CCDC13: variants seen among roughly 807,000 people sequenced by gnomAD.
The protein encoded by CCDC13 is coiled-coil domain containing 13.
In CCDC13, 70 loss-of-function variants were observed where a neutral mutation model predicts 87.3. The observed-to-expected ratio is 0.80, with a 90% CI of 0.66 to 0.98. The LOEUF is 0.98. Among genes scored for constraint, CCDC13 ranks in the 50% least tolerant of loss-of-function variants. The probability of loss-of-function intolerance (pLI) is 0.00; values close to 1 mark genes in which losing one functional copy is unlikely to be tolerated. For synonymous variants in CCDC13, 317 were observed against 360.3 expected (o/e 0.88, Z 1.36); for missense variants, 842 against 892.0 (o/e 0.94, Z 0.71).
intron 13 of CCDC13, among the ~76,000 whole-genome samples, chr3:42,715,681 A>G (rs1217936552): frequency 1.3e-5 from 2 of 152,238 alleles, no homozygotes; most frequent in African/African-American, 4.8e-5. Flanking sequence ...CACACTAGTG[A>G]CATTTCAAGT....
intron 13 of CCDC13, among the ~76,000 whole-genome samples, chr3:42,727,129 T>A (rs977570643): frequency 6.6e-6 from 1 of 152,184 alleles, no homozygotes. Context: ...CCCAGCACTT[T>A]GGGAGGCTGA....
Position 42,709,672 on chromosome 3 carries a change from G to C in CCDC13, c.1988+12C>G. ...AACCCTACCCTTTCAGGAAGGCGGG[G>C]CAGGGGAGCACCTGGTTGTCAGCTC... On this transcript the variant is annotated intron_variant, in intron 15 of 15. Coordinates refer to ENST00000310232, the MANE Select transcript of CCDC13 (RefSeq NM_144719.4). 1 of 1,605,930 alleles carries C rather than the reference G, an allele frequency of 6.2e-7. No individual in the cohort carries two copies. The highest frequency in any genetic ancestry group is 8.5e-7 in the Non-Finnish European group (1 of 1,172,610).
At chr3:42,739,917 T>G (rs1575304358) in intron 8 of CCDC13, 107 bp from the exon 9 acceptor site, 8 of 1,065,000 alleles carry the variant, frequency 7.5e-6, no homozygotes, top group Non-Finnish European at 1.1e-5. Context: ...GGGGTGGGGG[T>G]GCTTGTTGAA....
chr3:42,733,262 C>T (rs1015794161), intron 11 of CCDC13, among the ~76,000 whole-genome samples: 9 of 152,236 alleles, frequency 5.9e-5, no homozygotes, highest in Admixed American at 1.3e-4. Flanking sequence ...AACCAGCATG[C>T]TCTTGAAGTG....
At chr3:42,737,875 A>G (rs141545532) in intron 9 of CCDC13, among the ~76,000 whole-genome samples, 2,932 of 151,248 alleles carry the variant, frequency 0.019, 88 homozygotes, top group African/African-American at 0.067. Flanking sequence ...GTTCACTCTG[A>G]TGGTAGTTTC....
At chr3:42,755,405 G>A (rs1010068773) in intron 3 of CCDC13, among the ~76,000 whole-genome samples, 9 of 152,092 alleles carry the variant, frequency 5.9e-5, no homozygotes, top group Non-Finnish European at 8.8e-5. Flanking sequence ...TCAGCAGTTC[G>A]AGACCAGACT....
intron 2 of CCDC13, 110 bp from the exon 3 acceptor site, chr3:42,757,324 T>G: frequency 9.8e-7 from 1 of 1,025,164 alleles, no homozygotes; most frequent in South Asian, 1.8e-5. Context: ...GCAGACACAC[T>G]GACGTGAAAG....
chr3:42,765,767 C>T (rs1019603357), intron 1 of CCDC13, among the ~76,000 whole-genome samples: 5 of 152,070 alleles, frequency 3.3e-5, no homozygotes, highest in Admixed American at 2.6e-4. Flanking sequence ...TGGGGGGCAA[C>T]GGGCTCTCCT....
chr3:42,751,618 C>T (rs1220092850), intron 5 of CCDC13, among the ~76,000 whole-genome samples: 1 of 152,226 alleles, frequency 6.6e-6, no homozygotes, highest in Admixed American at 6.5e-5. Context: ...TTGGACCAGG[C>T]CTTCCCTCTT....
Position 42,720,666 on chromosome 3 carries a change from G to A in CCDC13, c.1719-7350C>T, listed in dbSNP as rs141976715. Among the ~76,000 whole-genome samples the A allele has an allele frequency of 1.3e-4, 20 of 152,300 alleles. No individual in the cohort carries two copies. The East Asian group carries it at 3.7e-3, about 28-fold the overall frequency. On this transcript the variant is annotated intron_variant, in intron 13 of 15. Coordinates refer to ENST00000310232, the MANE Select transcript of CCDC13 (RefSeq NM_144719.4). ...TTCTTGCCTAGATTAAAGGTTAAAG[G>A]ATTGTTTTAAGTTAGAATAAAACTA...
At chr3:42,754,211 C>T (rs1478847755) in intron 3 of CCDC13, among the ~76,000 whole-genome samples, 1 of 152,146 alleles carries the variant, frequency 6.6e-6, no homozygotes, top group Non-Finnish European at 1.5e-5. Flanking sequence ...CACTTTATGG[C>T]TTTCAAATCA....
At chr3:42,722,630 C>A (rs1209062437) in intron 13 of CCDC13, among the ~76,000 whole-genome samples, 3 of 152,078 alleles carry the variant, frequency 2.0e-5, no homozygotes, top group Admixed American at 2.0e-4. Context: ...TTTACAGATG[C>A]CATGGCAACA....
intron 5 of CCDC13, among the ~76,000 whole-genome samples, 188 bp downstream of exon 5, chr3:42,751,748 C>A (rs1226057051): frequency 6.6e-6 from 1 of 152,278 alleles, no homozygotes. Flanking sequence ...TCAGGCCATA[C>A]ACTCGGTACT....
chr3:42,745,872 G>C, intron 7 of CCDC13, 51 bp downstream of exon 7: 2 of 1,452,054 alleles, frequency 1.4e-6, no homozygotes, highest in Non-Finnish European at 1.9e-6. Flanking sequence ...CTCTTTCTGG[G>C]GTGTTTTAAA....
At chr3:42,713,061 A>G in intron 14 of CCDC13, 101 bp downstream of exon 14, 1 of 1,357,578 alleles carries the variant, frequency 7.4e-7, no homozygotes. Flanking sequence ...TCTGCTTCCC[A>G]CATGCTCACT....
At chr3:42,762,843 G>C (rs1699861898) in intron 1 of CCDC13, among the ~76,000 whole-genome samples, 1 of 152,156 alleles carries the variant, frequency 6.6e-6, no homozygotes, top group South Asian at 2.1e-4. Context: ...CAGCACTTTG[G>C]AAGGCCAAGG....
At chr3:42,725,811 T>C (rs1197610952) in intron 13 of CCDC13, among the ~76,000 whole-genome samples, 2 of 151,734 alleles carry the variant, frequency 1.3e-5, no homozygotes, top group Non-Finnish European at 1.5e-5. Flanking sequence ...TAAGAACTCC[T>C]ACAAGGAAAA....
chr3:42,716,763 G>A (rs1698439943), intron 13 of CCDC13, among the ~76,000 whole-genome samples: 4 of 152,330 alleles, frequency 2.6e-5, no homozygotes, highest in Admixed American at 6.5e-5. Flanking sequence ...CAGCCATTGT[G>A]GAAAAGTTTG....
At chr3:42,705,137 G>A (rs1399702359), downstream of CCDC13, among the ~76,000 whole-genome samples, 1 of 152,188 alleles carries the variant, frequency 6.6e-6, no homozygotes, top group East Asian at 1.9e-4. Context: ...TGTGTGCAAG[G>A]CTCACAGATA....
Sources: gnomAD v4.1 joint callset for allele counts (sites outside exome capture counted in the v4.1 genomes callset) on GRCh38, gnomAD v4.1.1 for gene constraint, MANE v1.5 for transcripts, NCBI Gene and HGNC (gene_info 2026-07-23, HGNC 2026-07-21) for gene names.